LRRC72: variants seen among roughly 807,000 people sequenced by gnomAD.
The protein encoded by LRRC72 is leucine-rich repeat-containing protein 72.
LRRC72 carries 41 observed loss-of-function variants against 35.8 expected under a neutral mutation model. That is an observed-to-expected ratio of 1.15 (90% CI 0.89 to 1.49). LRRC72 has a LOEUF of 1.49. LRRC72 is among the 40% of genes most tolerant of loss of function. LRRC72 has a pLI of 0.00. For missense variants in LRRC72, 389 were observed against 330.7 expected, an observed-to-expected ratio of 1.18 and a Z score of -1.37; for synonymous variants, 118 against 119.2, an observed-to-expected ratio of 0.99 and a Z score of 0.07.
chr7:16,545,479 C>T (rs1156696081), intron 3 of LRRC72, among the ~76,000 whole-genome samples: 1 of 152,096 alleles, frequency 6.6e-6, no homozygotes, highest in Non-Finnish European at 1.5e-5. Context: ...CCTCTTTAAT[C>T]AGATTTATTT....
chr7:16,567,384 T>G lies in LRRC72; in HGVS notation c.518-7T>G. On this transcript the variant is annotated splice_polypyrimidine_tract_variant and splice_region_variant and intron_variant, in intron 6 of 8. Transcript: ENST00000401542. ...TATGCAATAACATTACTTTTTGCAT[T>G]TATCAGAAGTTACAGAAAAAGAAAG... 1 of 1,459,848 alleles carries G rather than the reference T, an allele frequency of 6.9e-7. No homozygotes were observed. 90.4% of individuals were successfully genotyped at this position (1,459,848 alleles called of 1,614,324 possible). A position where few individuals can be genotyped will look rare whatever the true frequency, so the allele number is the denominator to read the frequency against.
At chr7:16,535,737 A>G (rs1223487149) in intron 2 of LRRC72, among the ~76,000 whole-genome samples, 1 of 152,246 alleles carries the variant, frequency 6.6e-6, no homozygotes, top group African/African-American at 2.4e-5. Flanking sequence ...TTCAGTAATT[A>G]CCACCCATGT....
At chr7:16,553,677 T>C (rs1782595138) in intron 3 of LRRC72, among the ~76,000 whole-genome samples, 1 of 152,190 alleles carries the variant, frequency 6.6e-6, no homozygotes, top group Non-Finnish European at 1.5e-5. Context: ...GATGCTAATG[T>C]ACAACCCCCA....
chr7:16,545,568 G>C (rs914618057), intron 3 of LRRC72, among the ~76,000 whole-genome samples: 2 of 151,960 alleles, frequency 1.3e-5, no homozygotes, highest in Non-Finnish European at 2.9e-5. Context: ...ATTTAGAGCA[G>C]TACAAACTCC....
At chr7:16,528,180 C>T (rs1782104505) in intron 1 of LRRC72, among the ~76,000 whole-genome samples, 1 of 152,150 alleles carries the variant, frequency 6.6e-6, no homozygotes, top group South Asian at 2.1e-4. Context: ...CTGTCCTTTT[C>T]TTCTTCTACC....
At chr7:16,551,941 T>A (rs1782558952) in intron 3 of LRRC72, among the ~76,000 whole-genome samples, 1 of 152,084 alleles carries the variant, frequency 6.6e-6, no homozygotes, top group South Asian at 2.1e-4. Flanking sequence ...GGGGGAGCAG[T>A]CTTGTGGGAC....
intron 1 of LRRC72, 146 bp from the exon 2 acceptor site, chr7:16,532,349 G>A: frequency 1.7e-6 from 1 of 600,074 alleles, no homozygotes; most frequent in Non-Finnish European, 3.0e-6. Context: ...TATAATTGTA[G>A]CCTTGGAATT....
intron 3 of LRRC72, among the ~76,000 whole-genome samples, chr7:16,540,593 C>T (rs1364241671): frequency 2.0e-5 from 3 of 152,110 alleles, no homozygotes; most frequent in African/African-American, 7.2e-5. Flanking sequence ...TGTGTCTCCA[C>T]CTGAGTCTCA....
chr7:16,549,170 T>C, intron 3 of LRRC72, among the ~76,000 whole-genome samples: 1 of 152,230 alleles, frequency 6.6e-6, no homozygotes, highest in East Asian at 1.9e-4. Flanking sequence ...GGCAAGTTGA[T>C]AATATTTTGT....
intron 7 of LRRC72, among the ~76,000 whole-genome samples, chr7:16,569,194 G>A (rs745871139): frequency 1.6e-4 from 25 of 152,076 alleles, no homozygotes; most frequent in Non-Finnish European, 3.1e-4. Context: ...TTGGGAGGCC[G>A]AGGCGGGCAG....
chr7:16,570,595 G>T (rs1255854564), intron 7 of LRRC72, among the ~76,000 whole-genome samples: 1 of 152,146 alleles, frequency 6.6e-6, no homozygotes, highest in Non-Finnish European at 1.5e-5. Context: ...TAGGTGGGCG[G>T]ATCACCTGAG....
At chr7:16,531,366 T>TA (rs1195789563) in intron 1 of LRRC72, among the ~76,000 whole-genome samples, 2 of 152,158 alleles carry the variant, frequency 1.3e-5, no homozygotes, top group Non-Finnish European at 2.9e-5. Flanking sequence ...TCAGCTTGCT[T>TA]ATTAACAAGG....
At chr7:16,549,061 T>A (rs1193115520) in intron 3 of LRRC72, among the ~76,000 whole-genome samples, 1 of 152,292 alleles carries the variant, frequency 6.6e-6, no homozygotes, top group Non-Finnish European at 1.5e-5. Flanking sequence ...GAAGAATGAG[T>A]AAATAAAAAC....
chr7:16,579,235 TAC>T (rs1753975067), intron 7 of LRRC72, among the ~76,000 whole-genome samples: 3 of 152,330 alleles, frequency 2.0e-5, no homozygotes, highest in African/African-American at 7.2e-5. Flanking sequence ...CTTAAATATA[TAC>T]AGTTTTTATT....
At chr7:16,532,615 A>ATAC in intron 2 of LRRC72, 47 bp downstream of exon 2, 1 of 1,341,382 alleles carries the variant, frequency 7.5e-7, no homozygotes, top group Non-Finnish European at 1.0e-6. Context: ...TGTTATCATG[A>ATAC]TCATGTTAAA....
chr7:16,573,131 C>G (rs1350059741), intron 7 of LRRC72, among the ~76,000 whole-genome samples: 1 of 152,026 alleles, frequency 6.6e-6, no homozygotes, highest in East Asian at 1.9e-4. Context: ...AACTATAAAC[C>G]ACTGCTCAAG....
At chr7:16,570,867 G>T (rs1211768197) in intron 7 of LRRC72, among the ~76,000 whole-genome samples, 2 of 151,922 alleles carry the variant, frequency 1.3e-5, no homozygotes, top group African/African-American at 2.4e-5. Flanking sequence ...GTTCCAAAAA[G>T]GTTTCTACAG....
chr7:16,542,535 A>C (rs1782375031), intron 3 of LRRC72, among the ~76,000 whole-genome samples: 1 of 152,152 alleles, frequency 6.6e-6, no homozygotes, highest in African/African-American at 2.4e-5. Context: ...TTTTAGGGAG[A>C]GGAGACATCG....
chr7:16,570,873 T>C (rs1292454919), intron 7 of LRRC72, among the ~76,000 whole-genome samples: 1 of 152,148 alleles, frequency 6.6e-6, no homozygotes, highest in African/African-American at 2.4e-5. Flanking sequence ...AAAAGGTTTC[T>C]ACAGTGCTTT....
Sources: gnomAD v4.1 joint callset for allele counts (sites outside exome capture counted in the v4.1 genomes callset) on GRCh38, gnomAD v4.1.1 for gene constraint, MANE v1.5 for transcripts, NCBI Gene and HGNC (gene_info 2026-07-23, HGNC 2026-07-21) for gene names.